The following ZNF33A variants were observed in gnomAD, a reference collection of about 807,000 sequenced individuals.
ZNF33A encodes zinc finger protein 33A.
A neutral mutation model predicts 15.9 loss-of-function variants in ZNF33A; 9 were observed. That is an observed-to-expected ratio of 0.57 (90% CI 0.34 to 0.99). The LOEUF (loss-of-function observed/expected upper bound fraction) is 0.99, where lower values mean the gene tolerates loss of function less well. Ranked by LOEUF, ZNF33A falls within the 50% of genes least tolerant of loss-of-function variation. ZNF33A has a pLI of 0.02. For missense variants in ZNF33A, 843 were observed against 941.6 expected (o/e 0.90, Z 1.37); for synonymous variants, 294 against 324.2 (o/e 0.91, Z 1.00).
intron 4 of ZNF33A, among the ~76,000 whole-genome samples, chr10:38,023,831 GA>G (rs1240081982): frequency 2.0e-5 from 3 of 152,076 alleles, no homozygotes; most frequent in Non-Finnish European, 4.4e-5. Flanking sequence ...CATATGACAT[GA>G]TTGTATACGT....
intron 4 of ZNF33A, among the ~76,000 whole-genome samples, chr10:38,030,541 A>G (rs751348407): frequency 6.6e-5 from 10 of 152,072 alleles, no homozygotes; most frequent in Non-Finnish European, 1.0e-4. Flanking sequence ...CCTACCCCCA[A>G]TGTTTGGTTT....
intron 4 of ZNF33A, among the ~76,000 whole-genome samples, chr10:38,047,041 G>A (rs1471892049): frequency 1.3e-5 from 2 of 151,738 alleles, no homozygotes; most frequent in African/African-American, 4.8e-5. Flanking sequence ...TTAGCTGGGT[G>A]TGGTGGTGCA....
chr10:38,019,787 A>C (rs540823982), intron 4 of ZNF33A, among the ~76,000 whole-genome samples: 2 of 152,234 alleles, frequency 1.3e-5, no homozygotes, highest in African/African-American at 4.8e-5. Flanking sequence ...GCAGGCAAGA[A>C]AGAAGATTGG....
At chr10:38,032,097 G>T (rs2065238249) in intron 4 of ZNF33A, among the ~76,000 whole-genome samples, 1 of 152,020 alleles carries the variant, frequency 6.6e-6, no homozygotes, top group Non-Finnish European at 1.5e-5. Context: ...TCTCATAGAG[G>T]ATCTACTGTC....
Position 38,056,409 on chromosome 10 carries a change from C to G in ZNF33A, c.2285C>G (p.Ser762Ter). The G allele has an allele frequency of 6.2e-7, 1 of 1,614,084 alleles. No homozygotes were observed. Among genetic ancestry groups the G allele is most frequent in the South Asian group, 1.1e-5 (1 of 91,072 alleles). The change falls in exon 5 of 5, where the codon TCA becomes TGA. Residue 762 changes from serine to a stop codon, truncating the protein, a stop_gained. Coordinates refer to ENST00000432900, the MANE Select transcript of ZNF33A (RefSeq NM_006954.2). LOFTEE classifies it low-confidence loss of function (END_TRUNC). ...TGCAGGAAAACTTTCTCTCAAAAGT[C>G]AAATCTCATTGTACATCAGAGAAGA... ...NTCRKTFSQK[S>*]NLIVHQRRHI... is the part of the protein sequence containing the mutation.
chr10:38,010,881 C>T (rs1312912351), intron 1 of ZNF33A, 98 bp downstream of exon 1: 21 of 1,463,388 alleles, frequency 1.4e-5, no homozygotes, highest in East Asian at 2.3e-5. Flanking sequence ...GGAGGAGGCC[C>T]GGGGACCTCA....
chr10:38,031,887 C>G (rs533294903), intron 4 of ZNF33A, among the ~76,000 whole-genome samples: 3 of 152,022 alleles, frequency 2.0e-5, no homozygotes, highest in African/African-American at 4.8e-5. Context: ...TGCTTGAACC[C>G]GGGAGGCGGA....
intron 4 of ZNF33A, among the ~76,000 whole-genome samples, chr10:38,037,662 A>C (rs1209843710): frequency 6.6e-6 from 1 of 152,186 alleles, no homozygotes; most frequent in African/African-American, 2.4e-5. Flanking sequence ...TGTTGGCATC[A>C]TTGTTGAAAA....
At chr10:38,036,801 C>T (rs199822795) in intron 4 of ZNF33A, among the ~76,000 whole-genome samples, 4 of 152,314 alleles carry the variant, frequency 2.6e-5, no homozygotes, top group Non-Finnish European at 5.9e-5. Context: ...AAACTTTCTT[C>T]GTACAGGCAT....
intron 4 of ZNF33A, among the ~76,000 whole-genome samples, chr10:38,050,652 T>C (rs1590681231): frequency 6.6e-6 from 1 of 152,204 alleles, no homozygotes; most frequent in South Asian, 2.1e-4. Flanking sequence ...CCATGACCTT[T>C]GTCTGCATTG....
chr10:38,023,949 G>C (rs144348415), intron 4 of ZNF33A, among the ~76,000 whole-genome samples: 1 of 151,910 alleles, frequency 6.6e-6, no homozygotes, highest in Admixed American at 6.6e-5. Flanking sequence ...ACCTGAGATC[G>C]GGAGTTCAAG....
downstream of ZNF33A, among the ~76,000 whole-genome samples, chr10:38,067,674 A>G (rs2066720223): frequency 6.6e-6 from 1 of 152,198 alleles, no homozygotes; most frequent in Non-Finnish European, 1.5e-5. Context: ...GGCATTACAC[A>G]GATTAGAAAG....
In ZNF33A at chr10:38,017,395, A is replaced by G; in HGVS notation, c.250+9A>G. The G allele has an allele frequency of 6.2e-7, 1 of 1,601,224 alleles. No homozygotes were observed. Among genetic ancestry groups the G allele is most frequent in the Non-Finnish European group, 8.6e-7 (1 of 1,168,410 alleles). ...AAGCCAAAGCTTTCCAGGTGAGTTA[A>G]TATGTACTGCACAGATTCACATCAG... On this transcript the variant is annotated intron_variant, in intron 4 of 4. Coordinates refer to ENST00000432900, the MANE Select transcript of ZNF33A (RefSeq NM_006954.2).
chr10:38,025,611 C>T (rs1319942271), intron 4 of ZNF33A, among the ~76,000 whole-genome samples: 2 of 152,264 alleles, frequency 1.3e-5, no homozygotes, highest in Non-Finnish European at 2.9e-5. Context: ...AGACTTCCAG[C>T]ATTTGGAACC....
intron 4 of ZNF33A, among the ~76,000 whole-genome samples, chr10:38,053,653 C>G: frequency 6.6e-6 from 1 of 152,114 alleles, no homozygotes; most frequent in East Asian, 1.9e-4. Context: ...TCTGTGATTA[C>G]TCTGCCCTCT....
Position 38,059,258 on chromosome 10 carries a change from C to T in ZNF33A, c.*2698C>T, listed in dbSNP as rs943374116. On this transcript the variant is annotated 3_prime_UTR_variant, in exon 5 of 5. Transcript: ENST00000432900. ...CAAAAAACCCTACAGCTAACATTAT[C>T]CTTGATGTTTCCAACTAGACACTTT... The T allele has an allele frequency of 2.0e-5, 3 of 152,128 alleles. No individual in the cohort carries two copies. Among genetic ancestry groups the T allele is most frequent in the Non-Finnish European group, 4.4e-5 (3 of 68,038 alleles). The allele number at this position is 152,128 out of a possible 1,614,324, so 9.4% of individuals were successfully genotyped here. A position where few individuals can be genotyped will look rare whatever the true frequency, so the allele number is the denominator to read the frequency against.
intron 1 of ZNF33A, among the ~76,000 whole-genome samples, chr10:38,011,223 A>G (rs554058703): frequency 6.6e-6 from 1 of 152,288 alleles, no homozygotes; most frequent in South Asian, 2.1e-4. Flanking sequence ...CAGGTCCATC[A>G]CTGCATCTTG....
intron 2 of ZNF33A, among the ~76,000 whole-genome samples, chr10:38,013,573 C>T (rs1262704930): frequency 1.3e-5 from 2 of 151,664 alleles, no homozygotes; most frequent in East Asian, 3.9e-4. Context: ...ATTCTCCTGC[C>T]TCAACCTCCC....
chr10:38,063,320 A>G (rs1430983202), downstream of ZNF33A, among the ~76,000 whole-genome samples: 3 of 152,190 alleles, frequency 2.0e-5, no homozygotes, highest in Non-Finnish European at 4.4e-5. Context: ...GTGGAAGCAG[A>G]CATAGCTTGG....
Sources: gnomAD v4.1 joint callset for allele counts (sites outside exome capture counted in the v4.1 genomes callset) on GRCh38, gnomAD v4.1.1 for gene constraint, MANE v1.5 for transcripts, NCBI Gene and HGNC (gene_info 2026-07-23, HGNC 2026-07-21) for gene names.